FGD6: variants seen among roughly 807,000 people sequenced by gnomAD.
FGD6 encodes the protein FYVE, RhoGEF and PH domain containing 6, also known as FYVE, RhoGEF and PH domain-containing protein 6.
FGD6 carries 90 observed loss-of-function variants against 149.4 expected under a neutral mutation model. The ratio of observed to expected loss-of-function variants is 0.60; its 90% CI spans 0.51 to 0.72. The LOEUF (loss-of-function observed/expected upper bound fraction) is 0.72, where lower values mean the gene tolerates loss of function less well. Among genes scored for constraint, FGD6 ranks in the 30% least tolerant of loss-of-function variants. The probability of loss-of-function intolerance (pLI) is 0.00; values close to 1 mark genes in which losing one functional copy is unlikely to be tolerated. For synonymous variants in FGD6, 527 were observed against 584.0 expected (o/e 0.90, Z 1.41); for missense variants, 1,437 against 1,684.8 (o/e 0.85, Z 2.57).
intron 8 of FGD6, among the ~76,000 whole-genome samples, chr12:95,122,539 G>A (rs940408481): frequency 6.0e-5 from 9 of 150,904 alleles, no homozygotes; most frequent in African/African-American, 1.2e-4. Flanking sequence ...CCAGCTACTC[G>A]GGAGGCTCAG....
intron 14 of FGD6, among the ~76,000 whole-genome samples, chr12:95,103,683 T>C (rs1288673564): frequency 6.6e-6 from 1 of 152,150 alleles, no homozygotes; most frequent in Non-Finnish European, 1.5e-5. Context: ...CATAGGCACA[T>C]GCCACCATGT....
chr12:95,131,496 C>A (rs1169045302), intron 8 of FGD6, among the ~76,000 whole-genome samples: 3 of 151,966 alleles, frequency 2.0e-5, no homozygotes, highest in Admixed American at 1.3e-4. Context: ...ATTTTGGAGG[C>A]CACTAAATTA....
At position 95,209,793 on chromosome 12, in the gene FGD6, T is replaced by G. The variant is rs767295878; in HGVS notation, c.1491A>C (p.Lys497Asn). The G allele has an allele frequency of 2.5e-6, 4 of 1,611,704 alleles. No individual in the cohort carries two copies. Among genetic ancestry groups the G allele is most frequent in the Non-Finnish European group, 3.4e-6 (4 of 1,179,534 alleles). Residue 497 changes from lysine to asparagine, a missense_variant, in exon 2 of 21, where the codon AAA becomes AAC. Lys to Asn is a moderately conservative substitution (Grantham distance 94). Coordinates refer to ENST00000343958, the MANE Select transcript of FGD6 (RefSeq NM_018351.4). ...KEENSLRIVP[K>N]KPQRHSLPAT... is the part of the protein sequence containing the mutation. The stretch of plus-strand genomic sequence containing the variant: ...CAGGCAAGCTATGTCTTTGAGGTTT[T>G]TTGGGGACAATTCGTAGAGAATTTT...
intron 3 of FGD6, among the ~76,000 whole-genome samples, chr12:95,167,076 C>T (rs149648661): frequency 6.6e-6 from 1 of 152,092 alleles, no homozygotes; most frequent in East Asian, 1.9e-4. Context: ...AAGCTGCTCC[C>T]GAACTCCTGA....
At chr12:95,094,019 C>T (rs780535446) in intron 15 of FGD6, among the ~76,000 whole-genome samples, 18 of 151,240 alleles carry the variant, frequency 1.2e-4, no homozygotes, top group Admixed American at 2.0e-4. Context: ...ATTAGCTGGG[C>T]GTGGTGGTGC....
intron 2 of FGD6, among the ~76,000 whole-genome samples, chr12:95,184,374 A>T (rs1351550555): frequency 6.6e-6 from 1 of 152,178 alleles, no homozygotes; most frequent in Non-Finnish European, 1.5e-5. Flanking sequence ...CTACTTCCTT[A>T]TTTAAAACTA....
At chr12:95,175,319 G>C (rs1881104233) in intron 2 of FGD6, among the ~76,000 whole-genome samples, 1 of 152,140 alleles carries the variant, frequency 6.6e-6, no homozygotes, top group African/African-American at 2.4e-5. Flanking sequence ...ACACACAAGA[G>C]ACCCTCAAGA....
At chr12:95,129,303 G>C (rs368483991) in intron 8 of FGD6, among the ~76,000 whole-genome samples, 86 of 130,818 alleles carry the variant, frequency 6.6e-4, no homozygotes, top group Admixed American at 2.3e-3. Flanking sequence ...ATCCATGCAT[G>C]CATGCATGCA....
chr12:95,207,819 A>C (rs1704797683), intron 2 of FGD6, among the ~76,000 whole-genome samples: 2 of 152,242 alleles, frequency 1.3e-5, no homozygotes, highest in South Asian at 4.1e-4. Context: ...TGGTCAGAAT[A>C]GGAAGTAAAC....
In FGD6 at chr12:95,117,878, C is replaced by T. The variant is rs1169349664; in HGVS notation, c.3083-4177G>A. On this transcript the variant is annotated intron_variant, in intron 8 of 20. Coordinates refer to ENST00000343958, the MANE Select transcript of FGD6 (RefSeq NM_018351.4). ...CCAACATGGTGAAACCCTGTCTCTA[C>T]TAAGAATACAAAACTAGCTGGGCAT... 2.0e-5 allele frequency among the ~76,000 whole-genome samples: 3 copies of T among 152,026 alleles called. No individual in the cohort carries two copies. In the East Asian group the frequency reaches 5.8e-4, roughly 29 times the overall value.
intron 3 of FGD6, among the ~76,000 whole-genome samples, chr12:95,166,223 C>T (rs921709988): frequency 1.3e-5 from 2 of 152,088 alleles, no homozygotes; most frequent in South Asian, 2.1e-4. Flanking sequence ...CTGATATCAC[C>T]GACTTTTCCT....
chr12:95,086,534 T>G (rs1236482432), intron 18 of FGD6, among the ~76,000 whole-genome samples: 2 of 149,228 alleles, frequency 1.3e-5, no homozygotes, highest in Non-Finnish European at 3.0e-5. Flanking sequence ...GATTTTTTTT[T>G]TCTTTTTTTT....
chr12:95,092,904 G>A (rs1878105405), intron 15 of FGD6, 59 bp from the exon 16 acceptor site: 8 of 1,542,014 alleles, frequency 5.2e-6, no homozygotes, highest in Non-Finnish European at 6.1e-6. Context: ...TTTTTATTCG[G>A]CAGTGGCATC....
intron 3 of FGD6, among the ~76,000 whole-genome samples, chr12:95,154,517 G>A (rs775672422): frequency 2.3e-4 from 35 of 152,084 alleles, no homozygotes; most frequent in Non-Finnish European, 3.7e-4. Flanking sequence ...CCACAGTAAA[G>A]ACCAAAAAGA....
In FGD6 at chr12:95,217,249, G is replaced by C; in HGVS notation, c.-9C>G. The C allele has an allele frequency of 1.2e-6, 2 of 1,609,080 alleles. No homozygotes were observed. On this transcript the variant is annotated 5_prime_UTR_variant, in exon 1 of 21. Transcript: ENST00000343958. ...CCGGCTGCAGAAGTCATGATTCCCC[G>C]GTGCAGCTCGCTTCCCCGCTCGGCC...
chr12:95,091,556 C>G (rs1191699981), intron 17 of FGD6, 151 bp downstream of exon 17: 1 of 568,678 alleles, frequency 1.8e-6, no homozygotes, highest in East Asian at 3.1e-5. Context: ...AGAATTACAA[C>G]AAAATATGAA....
chr12:95,118,933 C>G (rs1376106375), intron 8 of FGD6, among the ~76,000 whole-genome samples: 1 of 152,148 alleles, frequency 6.6e-6, no homozygotes, highest in South Asian at 2.1e-4. Flanking sequence ...AACATACTGA[C>G]ACTTCAAGGC....
chr12:95,195,257 C>G (rs1028428629), intron 2 of FGD6, among the ~76,000 whole-genome samples: 3 of 152,146 alleles, frequency 2.0e-5, no homozygotes, highest in Non-Finnish European at 2.9e-5. Flanking sequence ...TAAAATGTCA[C>G]TATGTTTACA....
At position 95,149,305 on chromosome 12, in the gene FGD6, T is replaced by TTATATTATATAGCATATATTATATAA. The variant is rs1307138960; in HGVS notation, c.2685+3480_2685+3505dup. On this transcript the variant is annotated intron_variant, in intron 5 of 20. Coordinates refer to ENST00000343958, the MANE Select transcript of FGD6 (RefSeq NM_018351.4). ...CATATATAATATTATATATAATATATTATATTATATAGCATATATTATATA... is the reference window on the plus strand; with the variant it reads ...CATATATAATATTATATATAATATATTATATTATATAGCATATATTATATAATATATTATATAGCATATATTATATA... 1.5e-4 allele frequency among the ~76,000 whole-genome samples: 14 copies of TTATATTATATAGCATATATTATATAA among 96,092 alleles called. 1 individual carries two copies. In the East Asian group the frequency reaches 3.9e-3, roughly 27 times the overall value. 63.0% of individuals were successfully genotyped at this position (96,092 alleles called of 152,430 possible).
Sources: gnomAD v4.1 joint callset for allele counts (sites outside exome capture counted in the v4.1 genomes callset) on GRCh38, gnomAD v4.1.1 for gene constraint, MANE v1.5 for transcripts, NCBI Gene and HGNC (gene_info 2026-07-23, HGNC 2026-07-21) for gene names.